Variants in MARCHF5 observed in about 807,000 individuals in gnomAD.
MARCHF5 encodes E3 ubiquitin-protein ligase MARCHF5.
MARCHF5 carries 5 observed loss-of-function variants against 36.5 expected under a neutral mutation model. The ratio of observed to expected loss-of-function variants is 0.14; its 90% CI spans 0.07 to 0.29. The LOEUF is 0.29. Among genes scored for constraint, MARCHF5 ranks in the 10% least tolerant of loss-of-function variants. MARCHF5 has a pLI of 1.00. For synonymous variants in MARCHF5, 103 were observed against 109.9 expected, an observed-to-expected ratio of 0.94 and a Z score of 0.39; for missense variants, 179 against 336.3, an observed-to-expected ratio of 0.53 and a Z score of 3.66.
At chr10:92,337,205 TG>T (rs1843512542) in intron 2 of MARCHF5, among the ~76,000 whole-genome samples, 1 of 148,814 alleles carries the variant, frequency 6.7e-6, no homozygotes, top group African/African-American at 2.5e-5. Context: ...TTTGGTGGAG[TG>T]GGTTCAAAAC....
At chr10:92,303,145 C>A (rs1462312807) in intron 1 of MARCHF5, among the ~76,000 whole-genome samples, 1 of 152,130 alleles carries the variant, frequency 6.6e-6, no homozygotes, top group Non-Finnish European at 1.5e-5. Flanking sequence ...ATAAAGCCCC[C>A]CTCACTTTTT....
chr10:92,347,659 C>G (rs1843665226), intron 3 of MARCHF5, among the ~76,000 whole-genome samples: 1 of 152,088 alleles, frequency 6.6e-6, no homozygotes, highest in Admixed American at 6.6e-5. Flanking sequence ...ATAAACCAGA[C>G]CATTTCACTT....
intron 1 of MARCHF5, among the ~76,000 whole-genome samples, chr10:92,298,299 G>A (rs1842971745): frequency 6.6e-6 from 1 of 151,958 alleles, no homozygotes; most frequent in South Asian, 2.1e-4. Context: ...TTCTATGTAT[G>A]GTTCAATTCT....
In MARCHF5 at chr10:92,349,462, G is replaced by A; in HGVS notation, c.483G>A (p.Trp161Ter). The A allele has an allele frequency of 6.2e-7, 1 of 1,614,102 alleles. No individual in the cohort carries two copies. The highest frequency in any genetic ancestry group is 8.5e-7 in the Non-Finnish European group (1 of 1,180,002). ...TGATATTAGGCAAGATGATTCGCTG[G>A]GAGGACTATGTGCTTAGACTGTGGC... Reference protein sequence around the residue: ...VMLILGKMIRWEDYVLRLWRK... With the variant: ...VMLILGKMIR The change falls in exon 4 of 6, where the codon TGG becomes TGA. Residue 161 changes from tryptophan to a stop codon, truncating the protein, a stop_gained. Coordinates refer to ENST00000358935, the MANE Select transcript of MARCHF5 (RefSeq NM_017824.5). LOFTEE classifies it high-confidence loss of function.
At position 92,353,840 on chromosome 10, in the gene MARCHF5, A is replaced by G. The variant is rs988912530; in HGVS notation, c.*2633A>G. 6.6e-6 allele frequency: 1 copy of G among 152,652 alleles called. No individual in the cohort carries two copies. Among genetic ancestry groups the G allele is most frequent in the Non-Finnish European group, 1.5e-5 (1 of 68,042 alleles). The allele number at this position is 152,652 out of a possible 1,614,324, so 9.5% of individuals were successfully genotyped here. A position where few individuals can be genotyped will look rare whatever the true frequency, so the allele number is the denominator to read the frequency against. On this transcript the variant is annotated 3_prime_UTR_variant, in exon 6 of 6. Transcript: ENST00000358935. ...ATGACTGTGAAGAATATAAAATTAA[A>G]CTTAGTGACTTAATTAGTCACTGCC...
intron 3 of MARCHF5, among the ~76,000 whole-genome samples, chr10:92,347,078 A>C (rs1231858227): frequency 6.6e-6 from 1 of 152,180 alleles, no homozygotes; most frequent in Non-Finnish European, 1.5e-5. Context: ...ACGTGGTGGC[A>C]CTCATCTGTA....
intron 2 of MARCHF5, among the ~76,000 whole-genome samples, chr10:92,324,004 G>A (rs1327887255): frequency 6.6e-6 from 1 of 152,208 alleles, no homozygotes; most frequent in Non-Finnish European, 1.5e-5. Flanking sequence ...GCTGTACCAT[G>A]TACCATTTTG....
rs1247500739 is a variant in MARCHF5, at chr10:92,353,611, A to G, written c.*2404A>G. On this transcript the variant is annotated 3_prime_UTR_variant, in exon 6 of 6. Transcript: ENST00000358935. ...AAAAGAAAGGCATTGGGGACAAATGAAAGAGATGATGTAGATTTTTCGGAT... is the reference window on the plus strand; with the variant it reads ...AAAAGAAAGGCATTGGGGACAAATGGAAGAGATGATGTAGATTTTTCGGAT... 1 of 152,506 alleles carries G rather than the reference A, an allele frequency of 6.6e-6. No individual in the cohort carries two copies. The highest frequency in any genetic ancestry group is 1.5e-5 in the Non-Finnish European group (1 of 68,036). 9.4% of individuals were successfully genotyped at this position (152,506 alleles called of 1,614,324 possible).
intron 5 of MARCHF5, among the ~76,000 whole-genome samples, 175 bp from the exon 6 acceptor site, chr10:92,350,916 T>C (rs574789111): frequency 6.6e-6 from 1 of 152,256 alleles, no homozygotes; most frequent in South Asian, 2.1e-4. Context: ...CAGCGTATAG[T>C]CTGTCTCTCT....
chr10:92,324,748 CTGA>C (rs1289097497), intron 2 of MARCHF5, among the ~76,000 whole-genome samples: 1 of 152,006 alleles, frequency 6.6e-6, no homozygotes, highest in Non-Finnish European at 1.5e-5. Context: ...CTTTGACTCA[CTGA>C]TTATTTAGGA....
intron 5 of MARCHF5, 107 bp downstream of exon 5, chr10:92,349,944 C>T (rs1351352910): frequency 2.4e-6 from 2 of 830,418 alleles, no homozygotes; most frequent in Non-Finnish European, 3.8e-6. Context: ...GGCTCCTATG[C>T]ATTAAGCCTC....
chr10:92,317,144 A>C (rs1843220962), intron 2 of MARCHF5, among the ~76,000 whole-genome samples: 1 of 152,160 alleles, frequency 6.6e-6, no homozygotes, highest in African/African-American at 2.4e-5. Flanking sequence ...TCGCACTGTC[A>C]TCTAGGCTAG....
chr10:92,324,415 G>A (rs1166000574), intron 2 of MARCHF5, among the ~76,000 whole-genome samples: 1 of 152,074 alleles, frequency 6.6e-6, no homozygotes, highest in Non-Finnish European at 1.5e-5. Context: ...AGGCTAGAGT[G>A]CAGTGGCACA....
chr10:92,328,974 C>G (rs1325932233), intron 2 of MARCHF5, among the ~76,000 whole-genome samples: 3 of 151,952 alleles, frequency 2.0e-5, no homozygotes, highest in South Asian at 4.1e-4. Context: ...GTAAAGTTGC[C>G]TATTCATTTC....
Position 92,351,310 on chromosome 10 carries a change from G to A in MARCHF5, c.*103G>A. On this transcript the variant is annotated 3_prime_UTR_variant, in exon 6 of 6. Coordinates refer to ENST00000358935, the MANE Select transcript of MARCHF5 (RefSeq NM_017824.5). ...TTGTGGAGACTTGTGATAAGCTGCT[G>A]CTCCTATATTTTTTAAGAAATATAA... 1.5e-6 allele frequency: 1 copy of A among 684,552 alleles called. No homozygotes were observed. Among genetic ancestry groups the A allele is most frequent in the Non-Finnish European group, 2.5e-6 (1 of 397,478 alleles). The allele number at this position is 684,552 out of a possible 1,614,324, so 42.4% of individuals were successfully genotyped here.
At chr10:92,317,957 G>A (rs1315264763) in intron 2 of MARCHF5, among the ~76,000 whole-genome samples, 1 of 151,560 alleles carries the variant, frequency 6.6e-6, no homozygotes, top group East Asian at 2.0e-4. Flanking sequence ...CACCATGTTG[G>A]CCAGGCTGGT....
chr10:92,325,169 C>CA (rs1039680199), intron 2 of MARCHF5, among the ~76,000 whole-genome samples: 34 of 149,564 alleles, frequency 2.3e-4, no homozygotes, highest in East Asian at 7.8e-4. Context: ...CCTGTCTCTA[C>CA]AAAAAAAAAG....
intron 3 of MARCHF5, among the ~76,000 whole-genome samples, chr10:92,346,913 C>CA (rs1054336917): frequency 1.3e-5 from 2 of 151,804 alleles, no homozygotes; most frequent in African/African-American, 4.8e-5. Context: ...TTTCTAAACC[C>CA]AAAAAAAGGA....
At position 92,311,342 on chromosome 10, in the gene MARCHF5, G is replaced by T; in HGVS notation, c.238+5G>T. ...TAATAGTTTTTCCAAAATTGGGTAA[G>T]AATATCTTTAAAAACAACACAGATA... On this transcript the variant is annotated splice_donor_5th_base_variant and intron_variant, in intron 2 of 5. Transcript: ENST00000358935. The T allele has an allele frequency of 1.3e-6, 2 of 1,554,204 alleles. No individual in the cohort carries two copies. The highest frequency in any genetic ancestry group is 2.7e-5 in the African/African-American group (2 of 73,176).
Sources: gnomAD v4.1 joint callset for allele counts (sites outside exome capture counted in the v4.1 genomes callset) on GRCh38, gnomAD v4.1.1 for gene constraint, MANE v1.5 for transcripts, NCBI Gene and HGNC (gene_info 2026-07-23, HGNC 2026-07-21) for gene names.